TMEM232: variants seen among roughly 807,000 people sequenced by gnomAD.
The protein encoded by TMEM232 is transmembrane protein 232.
In TMEM232, 80 loss-of-function variants were observed where a neutral mutation model predicts 78.8. The ratio of observed to expected loss-of-function variants is 1.01; its 90% CI spans 0.85 to 1.22. TMEM232 has a LOEUF of 1.22. Among genes scored for constraint, TMEM232 ranks in the 50% most tolerant of loss-of-function variants. The pLI is 0.00. For missense variants in TMEM232, 881 were observed against 742.2 expected, an observed-to-expected ratio of 1.19 and a Z score of -2.17; for synonymous variants, 297 against 254.3, an observed-to-expected ratio of 1.17 and a Z score of -1.60.
In TMEM232 at chr5:110,653,637, T is replaced by C. The variant is rs552621683; in HGVS notation, c.126-11266A>G. On this transcript the variant is annotated intron_variant, in intron 2 of 13. Coordinates refer to ENST00000455884, the MANE Select transcript of TMEM232 (RefSeq NM_001039763.4). ...TTGATCTATCTAAATCAATAGGGCATGATGAATAATGGGATATGAGAAAAG... is the reference window on the plus strand; with the variant it reads ...TTGATCTATCTAAATCAATAGGGCACGATGAATAATGGGATATGAGAAAAG... Among the ~76,000 whole-genome samples the C allele has an allele frequency of 1.2e-4, 19 of 152,218 alleles. No individual in the cohort carries two copies. In the South Asian group the frequency reaches 2.3e-3, roughly 18 times the overall value.
chr5:110,442,096 GTCT>G (rs902308490), intron 12 of TMEM232, among the ~76,000 whole-genome samples: 1 of 152,086 alleles, frequency 6.6e-6, no homozygotes, highest in Non-Finnish European at 1.5e-5. Flanking sequence ...CCTTGAGGAA[GTCT>G]TCTTTGGGTT....
intron 1 of TMEM232, among the ~76,000 whole-genome samples, chr5:110,679,861 T>A (rs772524428): frequency 6.6e-6 from 1 of 152,230 alleles, no homozygotes; most frequent in Non-Finnish European, 1.5e-5. Context: ...TATTTACATT[T>A]GATTTTTGGC....
intron 12 of TMEM232, among the ~76,000 whole-genome samples, chr5:110,428,668 A>AGTT (rs1280018643): frequency 2.0e-5 from 3 of 150,550 alleles, no homozygotes; most frequent in African/African-American, 7.3e-5. Flanking sequence ...TCCCCAGAAG[A>AGTT]GTTGAGTTTA....
intron 1 of TMEM232, among the ~76,000 whole-genome samples, chr5:110,680,689 T>C (rs143100113): frequency 1.8e-3 from 270 of 152,108 alleles, no homozygotes; most frequent in Non-Finnish European, 2.7e-3. Flanking sequence ...ATGAGCATGC[T>C]AGATATGTCT....
intron 10 of TMEM232, among the ~76,000 whole-genome samples, chr5:110,588,655 G>A (rs979023962): frequency 4.6e-5 from 7 of 152,070 alleles, no homozygotes; most frequent in Non-Finnish European, 8.8e-5. Flanking sequence ...TTAAGCCCAG[G>A]TTTGGAAAAT....
intron 12 of TMEM232, among the ~76,000 whole-genome samples, chr5:110,490,788 T>C (rs1052264680): frequency 6.6e-6 from 1 of 152,124 alleles, no homozygotes; most frequent in Non-Finnish European, 1.5e-5. Context: ...AAAAAATGAA[T>C]GTGGACTCTT....
rs995728947 is a variant in TMEM232, at chr5:110,455,412, G to C, written c.1704-30496C>G. Among the ~76,000 whole-genome samples the C allele has an allele frequency of 9.4e-5, 14 of 149,018 alleles. 1 individual carries two copies. Among genetic ancestry groups the C allele is most frequent in the South Asian group, 4.2e-4 (2 of 4,730 alleles). On this transcript the variant is annotated intron_variant, in intron 12 of 13. Coordinates refer to ENST00000455884, the MANE Select transcript of TMEM232 (RefSeq NM_001039763.4). Reference sequence around the variant, plus strand: ...TTTTTTTTTGAGATGGAGTCTTGCTGTGTTGCCCAGGCTGGAGTGCAGTGG... The same window carrying C: ...TTTTTTTTTGAGATGGAGTCTTGCTCTGTTGCCCAGGCTGGAGTGCAGTGG...
chr5:110,512,702 C>G (rs1035684376), intron 12 of TMEM232, among the ~76,000 whole-genome samples: 9 of 152,092 alleles, frequency 5.9e-5, no homozygotes, highest in African/African-American at 2.2e-4. Context: ...AAAAATATTT[C>G]ATCATAAGCT....
At chr5:110,476,163 A>G (rs1414239265) in intron 12 of TMEM232, among the ~76,000 whole-genome samples, 4 of 151,982 alleles carry the variant, frequency 2.6e-5, no homozygotes, top group Non-Finnish European at 5.9e-5. Flanking sequence ...TTGTTCCCCT[A>G]TAATTAATAT....
chr5:110,441,818 CCAGTTTT>C (rs1759074956), intron 12 of TMEM232, among the ~76,000 whole-genome samples: 1 of 152,102 alleles, frequency 6.6e-6, no homozygotes, highest in African/African-American at 2.4e-5. Context: ...AATAACCACC[CCAGTTTT>C]ACTGGGATGG....
At chr5:110,619,955 T>C (rs535397416) in intron 7 of TMEM232, among the ~76,000 whole-genome samples, 1 of 151,956 alleles carries the variant, frequency 6.6e-6, no homozygotes, top group Admixed American at 6.6e-5. Context: ...AAAAAAAAAC[T>C]TCGGAGTGAC....
chr5:110,596,271 G>C (rs1046768097), intron 10 of TMEM232, among the ~76,000 whole-genome samples: 3 of 152,140 alleles, frequency 2.0e-5, no homozygotes, highest in African/African-American at 7.2e-5. Context: ...TAGAAGAAAT[G>C]GATAAATTCC....
intron 11 of TMEM232, among the ~76,000 whole-genome samples, chr5:110,558,861 C>T (rs927925891): frequency 2.0e-5 from 3 of 152,118 alleles, no homozygotes; most frequent in Non-Finnish European, 2.9e-5. Flanking sequence ...CAAGAGTGGG[C>T]TATCCCATGC....
intron 2 of TMEM232, among the ~76,000 whole-genome samples, chr5:110,403,935 G>C (rs76243850): frequency 1.5e-3 from 230 of 152,054 alleles, no homozygotes; most frequent in Non-Finnish European, 2.8e-3. Flanking sequence ...GGAGATAAGA[G>C]AGGCAAAGAA....
chr5:110,703,303 G>A (rs1795615065), intron 1 of TMEM232, among the ~76,000 whole-genome samples: 1 of 151,906 alleles, frequency 6.6e-6, no homozygotes, highest in Non-Finnish European at 1.5e-5. Context: ...TGGACCCAAC[G>A]ACAGACCTAT....
chr5:110,662,831 C>A (rs1393642692), intron 2 of TMEM232, among the ~76,000 whole-genome samples: 1 of 151,886 alleles, frequency 6.6e-6, no homozygotes, highest in Non-Finnish European at 1.5e-5. Context: ...AAAATTTCCA[C>A]ATAGATTATA....
At chr5:110,678,703 C>G (rs964658646) in intron 1 of TMEM232, among the ~76,000 whole-genome samples, 1 of 152,100 alleles carries the variant, frequency 6.6e-6, no homozygotes, top group African/African-American at 2.4e-5. Context: ...GACCCCCCAC[C>G]ATGCCTGGCA....
intron 2 of TMEM232, among the ~76,000 whole-genome samples, chr5:110,413,645 G>A (rs550911215): frequency 6.6e-6 from 1 of 152,150 alleles, no homozygotes; most frequent in African/African-American, 2.4e-5. Context: ...AGGATTCTTT[G>A]CCTTTCTTTG....
chr5:110,709,746 G>A (rs1419181368), intron 1 of TMEM232, among the ~76,000 whole-genome samples: 2 of 151,976 alleles, frequency 1.3e-5, no homozygotes, highest in Non-Finnish European at 2.9e-5. Context: ...GTACTAAGAG[G>A]AGAATTTATT....
Sources: allele counts gnomAD v4.1 joint callset (sites outside exome capture counted in the v4.1 genomes callset), GRCh38; gene constraint gnomAD v4.1.1; transcripts MANE v1.5; gene names NCBI Gene and HGNC (gene_info 2026-07-23, HGNC 2026-07-21).